Variants in PDE4B observed in about 807,000 individuals in gnomAD.
PDE4B encodes the protein 3',5'-cyclic-AMP phosphodiesterase 4B.
PDE4B carries 20 observed loss-of-function variants against 82.2 expected under a neutral mutation model. The observed-to-expected ratio is 0.24, with a 90% CI of 0.17 to 0.35. The LOEUF (loss-of-function observed/expected upper bound fraction) is 0.35. PDE4B is among the 10% of genes least tolerant of loss of function. The pLI is 1.00. For synonymous variants in PDE4B, 320 were observed against 318.9 expected (o/e 1.00, Z -0.04); for missense variants, 655 against 907.2 (o/e 0.72, Z 3.57).
intron 3 of PDE4B, among the ~76,000 whole-genome samples, chr1:66,095,056 G>C (rs1454130243): frequency 6.6e-6 from 1 of 151,806 alleles, no homozygotes; most frequent in African/African-American, 2.4e-5. Context: ...TGGAATTTCA[G>C]CCTTGACCTG....
intron 3 of PDE4B, among the ~76,000 whole-genome samples, chr1:66,041,659 C>T (rs1477052323): frequency 6.6e-6 from 1 of 151,892 alleles, no homozygotes; most frequent in Non-Finnish European, 1.5e-5. Context: ...AGATAGCTGT[C>T]TCTGCTACGT....
In PDE4B at chr1:65,844,360, A is replaced by G. The variant is rs116715849; in HGVS notation, c.-71+51112A>G. 3.6e-3 allele frequency among the ~76,000 whole-genome samples: 544 copies of G among 152,318 alleles called. 3 individuals are homozygous for G. Among genetic ancestry groups the G allele is most frequent in the African/African-American group, 0.013 (520 of 41,576 alleles). On this transcript the variant is annotated intron_variant, in intron 1 of 16. Transcript: ENST00000341517. ...TACATTTTTGAAGAGGAATAAAAGT[A>G]GTGCGCATGGAAGTGTTTGGCATCG...
chr1:65,825,736 A>G (rs1347170806), intron 1 of PDE4B, among the ~76,000 whole-genome samples: 3 of 151,762 alleles, frequency 2.0e-5, no homozygotes, highest in Non-Finnish European at 4.4e-5. Context: ...CTATCTATCT[A>G]TCTATCTATC....
At chr1:66,078,877 T>C (rs1276242787) in intron 3 of PDE4B, among the ~76,000 whole-genome samples, 2 of 152,126 alleles carry the variant, frequency 1.3e-5, no homozygotes, top group African/African-American at 4.8e-5. Flanking sequence ...TCCTGTTCTC[T>C]TCAAGTGTGG....
At chr1:65,958,411 A>C (rs1022212098) in intron 3 of PDE4B, among the ~76,000 whole-genome samples, 1 of 152,016 alleles carries the variant, frequency 6.6e-6, no homozygotes, top group African/African-American at 2.4e-5. Context: ...TAGTTTCATA[A>C]GTGAAGTTGA....
intron 3 of PDE4B, among the ~76,000 whole-genome samples, chr1:66,239,187 G>C (rs1216170285): frequency 6.6e-6 from 1 of 152,142 alleles, no homozygotes; most frequent in African/African-American, 2.4e-5. Flanking sequence ...TTTACTAATA[G>C]AGCATTTAAC....
At chr1:65,935,321 A>G (rs1286894556) in intron 3 of PDE4B, among the ~76,000 whole-genome samples, 3 of 152,134 alleles carry the variant, frequency 2.0e-5, no homozygotes, top group African/African-American at 7.2e-5. Flanking sequence ...TATTGAGGCA[A>G]ATTAAAATAA....
intron 4 of PDE4B, 38 bp from the exon 5 acceptor site, chr1:66,257,609 G>C (rs781129801): frequency 2.5e-6 from 4 of 1,576,710 alleles, no homozygotes; most frequent in Non-Finnish European, 3.5e-6. Flanking sequence ...TATAATTCAA[G>C]TAAATTTCTA....
At chr1:66,212,737 G>A (rs1650162041) in intron 3 of PDE4B, among the ~76,000 whole-genome samples, 1 of 152,072 alleles carries the variant, frequency 6.6e-6, no homozygotes, top group Admixed American at 6.6e-5. Context: ...TAATCTTAGT[G>A]ACCTCCATCA....
intron 13 of PDE4B, among the ~76,000 whole-genome samples, chr1:66,366,491 G>A (rs1439163089): frequency 6.6e-6 from 1 of 152,140 alleles, no homozygotes; most frequent in African/African-American, 2.4e-5. Context: ...ATTGGTTATT[G>A]TAGTCATGAA....
chr1:66,042,215 G>C (rs1654426970), intron 3 of PDE4B, among the ~76,000 whole-genome samples: 1 of 151,670 alleles, frequency 6.6e-6, no homozygotes. Flanking sequence ...CATTTAAATG[G>C]AAGAAAAGTG....
chr1:65,981,963 A>AT (rs1367238321), intron 3 of PDE4B, among the ~76,000 whole-genome samples: 1 of 152,142 alleles, frequency 6.6e-6, no homozygotes, highest in Admixed American at 6.5e-5. Context: ...ATTTCTGTTG[A>AT]TTAAGCCACC....
In PDE4B at chr1:66,087,974, T is replaced by A. The variant is rs531229991; in HGVS notation, c.282-159486T>A. On this transcript the variant is annotated intron_variant, in intron 3 of 16. Transcript: ENST00000341517. ...CATGGCACATGTATACATGTGTAAC[T>A]AACCTGCACATTGTGCACATGTACC... Among the ~76,000 whole-genome samples, 4 of 151,830 alleles carry A rather than the reference T, an allele frequency of 2.6e-5. No individual in the cohort carries two copies. The East Asian group carries it at 7.8e-4, about 29-fold the overall frequency.
At position 66,090,621 on chromosome 1, in the gene PDE4B, A is replaced by ATGTGTGTGTGTGTGTGTGTG. The variant is rs146947689; in HGVS notation, c.282-156820_282-156819insGTGTGTGTGTGTGTGTGTGT. The stretch of plus-strand genomic sequence containing the variant: ...TTATATATATATATGTATATAATAT[A>ATGTGTGTGTGTGTGTGTGTG]TGTGTGTGTGTGTGTGTGTATGTAC... On this transcript the variant is annotated intron_variant, in intron 3 of 16. Coordinates refer to ENST00000341517, the MANE Select transcript of PDE4B (RefSeq NM_002600.4). Among the ~76,000 whole-genome samples the ATGTGTGTGTGTGTGTGTGTG allele has an allele frequency of 2.1e-4, 26 of 122,732 alleles. 2 individuals carry two copies. The highest frequency in any genetic ancestry group is 8.6e-4 in the African/African-American group (21 of 24,378). The allele number at this position is 122,732 out of a possible 152,430, so 80.5% of individuals were successfully genotyped here.
intron 3 of PDE4B, among the ~76,000 whole-genome samples, chr1:66,162,007 A>G (rs1229589569): frequency 2.0e-5 from 3 of 152,178 alleles, no homozygotes; most frequent in Non-Finnish European, 4.4e-5. Flanking sequence ...AAGCAACTAT[A>G]TGAAGCCCTT....
At chr1:66,340,820 T>C (rs1461255618) in intron 8 of PDE4B, among the ~76,000 whole-genome samples, 2 of 152,158 alleles carry the variant, frequency 1.3e-5, no homozygotes, top group African/African-American at 4.8e-5. Context: ...AGTAGTTGTT[T>C]TAGAAAGAAA....
intron 1 of PDE4B, among the ~76,000 whole-genome samples, chr1:65,824,239 T>C (rs1023078986): frequency 6.6e-5 from 10 of 152,174 alleles, no homozygotes; most frequent in African/African-American, 2.4e-4. Flanking sequence ...TTTCCTAGGG[T>C]ATCTTTCACA....
In PDE4B at chr1:66,004,115, A is replaced by G. The variant is rs554593090; in HGVS notation, c.281+85280A>G. Among the ~76,000 whole-genome samples the G allele has an allele frequency of 2.5e-4, 38 of 152,266 alleles. 1 individual carries two copies. The highest frequency in any genetic ancestry group is 6.8e-3 in the Middle Eastern group (2 of 294). On this transcript the variant is annotated intron_variant, in intron 3 of 16. Coordinates refer to ENST00000341517, the MANE Select transcript of PDE4B (RefSeq NM_002600.4). The stretch of plus-strand genomic sequence containing the variant: ...AAATTAGAAAAATTAGAAAAACTCT[A>G]CTTGTATTTCATTAGGCCTTTATGA...
intron 3 of PDE4B, among the ~76,000 whole-genome samples, chr1:65,931,060 C>T (rs939829338): frequency 6.6e-6 from 1 of 152,168 alleles, no homozygotes; most frequent in Admixed American, 6.5e-5. Context: ...CCCCTCAGTG[C>T]TGTCCTCATG....
Sources: allele counts gnomAD v4.1 joint callset (sites outside exome capture counted in the v4.1 genomes callset), GRCh38; gene constraint gnomAD v4.1.1; transcripts MANE v1.5; gene names NCBI Gene and HGNC (gene_info 2026-07-23, HGNC 2026-07-21).